Variants in ADAMTS14 observed in about 807,000 individuals in gnomAD.
The protein encoded by ADAMTS14 is A disintegrin and metalloproteinase with thrombospondin motifs 14.
Under a neutral mutation model 128.6 loss-of-function variants are expected in ADAMTS14, and 100 were observed. The ratio of observed to expected loss-of-function variants is 0.78; its 90% CI spans 0.66 to 0.92. ADAMTS14 has a LOEUF of 0.92. ADAMTS14 is among the 40% of genes least tolerant of loss of function. The pLI, the probability that ADAMTS14 is intolerant of heterozygous loss-of-function variation, is 0.00. For missense variants in ADAMTS14, 1,562 were observed against 1,658.6 expected, an observed-to-expected ratio of 0.94 and a Z score of 1.01; for synonymous variants, 665 against 653.8, an observed-to-expected ratio of 1.02 and a Z score of -0.26.
Position 70,745,238 on chromosome 10 carries a change from T to C in ADAMTS14, c.2195T>C (p.Leu732Pro), listed in dbSNP as rs927936147. The part of the protein sequence containing the change: ...KASKQAGALK[L>P]VQIPAGARHI... ...CTGTGTGTGGCAGGAGCTCTCAAGC[T>C]GGTGCAGATCCCAGCAGGTGCCAGG... Residue 732 changes from leucine (L) to proline (P), a missense_variant, in exon 15 of 22, where the codon CTG (leucine) becomes CCG (proline). Physicochemically the swap from Leu to Pro is moderately conservative, Grantham distance 98. Coordinates refer to ENST00000373207, the MANE Select transcript of ADAMTS14 (RefSeq NM_080722.4). The C allele has an allele frequency of 1.9e-6, 3 of 1,612,018 alleles. No individual in the cohort carries two copies. The highest frequency in any genetic ancestry group is 1.7e-5 in the Admixed American group (1 of 59,928).
chr10:70,721,030 T>C (rs930268860), intron 4 of ADAMTS14, among the ~76,000 whole-genome samples: 2 of 142,778 alleles, frequency 1.4e-5, no homozygotes, highest in African/African-American at 5.2e-5. Context: ...TTTTTTTTTT[T>C]TTTTTTTTTT....
chr10:70,738,186 T>C (rs999866444), intron 10 of ADAMTS14, among the ~76,000 whole-genome samples: 3 of 152,098 alleles, frequency 2.0e-5, no homozygotes, highest in African/African-American at 7.2e-5. Context: ...CATGCTACCC[T>C]GTAGGAAAAG....
intron 15 of ADAMTS14, 23 bp from the exon 16 acceptor site, chr10:70,749,799 G>A (rs1425690898): frequency 6.2e-7 from 1 of 1,611,294 alleles, no homozygotes; most frequent in Non-Finnish European, 8.5e-7. Context: ...AAATCTGTGT[G>A]ACCCTCTCCC....
intron 2 of ADAMTS14, among the ~76,000 whole-genome samples, 155 bp downstream of exon 2, chr10:70,675,150 G>A (rs1839608622): frequency 6.6e-6 from 1 of 152,198 alleles, no homozygotes; most frequent in African/African-American, 2.4e-5. Context: ...CGGGCCACTA[G>A]GTTCATGCGC....
intron 4 of ADAMTS14, among the ~76,000 whole-genome samples, chr10:70,710,968 G>A (rs1219862689): frequency 2.0e-5 from 3 of 152,208 alleles, no homozygotes; most frequent in East Asian, 1.9e-4. Flanking sequence ...CCTTTGACGA[G>A]GTGGTCACTA....
At chr10:70,717,518 G>A (rs75302518) in intron 4 of ADAMTS14, among the ~76,000 whole-genome samples, 10,166 of 152,192 alleles carry the variant, frequency 0.067, 462 homozygotes, top group East Asian at 0.19. Context: ...GGACTGTGGC[G>A]TAAAGAAGAG....
intron 4 of ADAMTS14, among the ~76,000 whole-genome samples, chr10:70,723,123 T>C (rs1042037674): frequency 5.9e-5 from 9 of 152,282 alleles, no homozygotes; most frequent in African/African-American, 1.7e-4. Context: ...CCCTGTGGGC[T>C]TCCTCCCCAA....
chr10:70,757,932 C>T, intron 19 of ADAMTS14, 30 bp from the exon 20 acceptor site: 1 of 1,570,020 alleles, frequency 6.4e-7, no homozygotes. Flanking sequence ...ACCCCGGCCG[C>T]TATGCCTGGC....
intron 7 of ADAMTS14, among the ~76,000 whole-genome samples, chr10:70,733,064 A>G (rs991478593): frequency 1.3e-5 from 2 of 152,164 alleles, no homozygotes; most frequent in Admixed American, 1.3e-4. Context: ...CAGAACCAAG[A>G]GACACCATCA....
At chr10:70,758,146 A>G in intron 20 of ADAMTS14, 29 bp from the exon 21 acceptor site, 1 of 1,613,426 alleles carries the variant, frequency 6.2e-7, no homozygotes. Context: ...AAAGTCCCAA[A>G]TACTAGAATT....
chr10:70,760,450 G>C lies in ADAMTS14; in HGVS notation c.3269G>C (p.Cys1090Ser). The C allele has an allele frequency of 6.2e-7, 1 of 1,613,822 alleles. No homozygotes were observed. Among genetic ancestry groups the C allele is most frequent in the African/African-American group, 1.3e-5 (1 of 75,034 alleles). The change falls in exon 22 of 22, where the codon TGT becomes TCT. Residue 1090 changes from cysteine (C) to serine (S), a missense_variant. Cys to Ser is a moderately radical substitution (Grantham distance 112, BLOSUM62 -1). Coordinates refer to ENST00000373207, the MANE Select transcript of ADAMTS14 (RefSeq NM_080722.4). ...CSIPGYHRLC[C>S]VSCIKKASGP... ...ATTCCCGGCTACCACCGGCTCTGCT[G>C]TGTGTCCTGCATCAAGAAGGCCTCG...
rs200762124 is a variant in ADAMTS14 at position 70,760,350 on chromosome 10, G to C, written c.3179-10G>C. Reference sequence around the variant, plus strand: ...TTGCTTCCATCCTTGTCCTTGTGCTGTGTGTGCAGCGGAGCCCTGCACGGG... The same window carrying C: ...TTGCTTCCATCCTTGTCCTTGTGCTCTGTGTGCAGCGGAGCCCTGCACGGG... On this transcript the variant is annotated splice_polypyrimidine_tract_variant and intron_variant, in intron 21 of 21. Coordinates refer to ENST00000373207, the MANE Select transcript of ADAMTS14 (RefSeq NM_080722.4). The C allele has an allele frequency of 6.5e-7, 1 of 1,538,060 alleles. No individual in the cohort carries two copies. Among genetic ancestry groups the C allele is most frequent in the East Asian group, 2.3e-5 (1 of 44,094 alleles).
intron 21 of ADAMTS14, among the ~76,000 whole-genome samples, chr10:70,759,741 A>C (rs528811144): frequency 2.0e-5 from 3 of 152,334 alleles, no homozygotes; most frequent in African/African-American, 7.2e-5. Context: ...TGCCTGTCCC[A>C]AGCATGAGTT....
At chr10:70,736,600 C>T (rs556118786) in intron 9 of ADAMTS14, 80 bp from the exon 10 acceptor site, 512 of 1,371,094 alleles carry the variant, frequency 3.7e-4, no homozygotes, top group Non-Finnish European at 4.8e-4. Flanking sequence ...TCATCACACC[C>T]TCTTTTCTCT....
At chr10:70,700,824 C>A (rs1228498758) in intron 2 of ADAMTS14, among the ~76,000 whole-genome samples, 1 of 152,166 alleles carries the variant, frequency 6.6e-6, no homozygotes, top group Admixed American at 6.5e-5. Flanking sequence ...TTTGTCCCTG[C>A]CCATAGGAGG....
rs143815625 is a variant in ADAMTS14, at chr10:70,729,195, G to A, written c.871-99G>A. ...TAAGTATCTTGCCTGATAAGGTCACGGTGGGGATACCATATGTTAGGTACC... is the reference window on the plus strand; with the variant it reads ...TAAGTATCTTGCCTGATAAGGTCACAGTGGGGATACCATATGTTAGGTACC... On this transcript the variant is annotated intron_variant, in intron 4 of 21. Transcript: ENST00000373207. 137 of 1,010,278 alleles carry A rather than the reference G, an allele frequency of 1.4e-4. No individual in the cohort carries two copies. In the East Asian group the frequency reaches 3.0e-3, roughly 22 times the overall value. 62.6% of individuals were successfully genotyped at this position (1,010,278 alleles called of 1,614,324 possible).
chr10:70,716,131 C>T (rs1297394786), intron 4 of ADAMTS14, among the ~76,000 whole-genome samples: 2 of 152,216 alleles, frequency 1.3e-5, no homozygotes, highest in African/African-American at 4.8e-5. Context: ...TTTGGATAGT[C>T]TTGGTCCTAC....
Position 70,753,991 on chromosome 10 carries a change from TG to T in ADAMTS14, c.2924del (p.Gly975GlufsTer56). The T allele has an allele frequency of 1.9e-6, 3 of 1,567,758 alleles. No individual in the cohort carries two copies. Among genetic ancestry groups the T allele is most frequent in the Non-Finnish European group, 1.7e-6 (2 of 1,159,156 alleles). On this transcript the variant is annotated frameshift_variant, in exon 19 of 22. Coordinates refer to ENST00000373207, the MANE Select transcript of ADAMTS14 (RefSeq NM_080722.4). ...GTGCCCTGCCCAGCCCAGTGGAGGC[TG>T]GGAGCCTGGTCCCAGGTGACTTGTC... ...LRVPCPAQWR[L>X]GAWSQCSATC...
intron 4 of ADAMTS14, among the ~76,000 whole-genome samples, chr10:70,723,643 G>T (rs1046817344): frequency 6.6e-6 from 1 of 152,254 alleles, no homozygotes; most frequent in Non-Finnish European, 1.5e-5. Context: ...GTGGCAATGA[G>T]TGTTCTGCTT....
Sources: gnomAD v4.1 joint callset for allele counts (sites outside exome capture counted in the v4.1 genomes callset) on GRCh38, gnomAD v4.1.1 for gene constraint, MANE v1.5 for transcripts, NCBI Gene and HGNC (gene_info 2026-07-23, HGNC 2026-07-21) for gene names.